LMAN1L: variants seen among roughly 807,000 people sequenced by gnomAD.
LMAN1L encodes the protein protein ERGIC-53-like.
In LMAN1L, 60 loss-of-function variants were observed where a neutral mutation model predicts 58.3. That is an observed-to-expected ratio of 1.03 (90% confidence interval 0.84 to 1.27). LMAN1L has a LOEUF of 1.27. Among genes scored for constraint, LMAN1L ranks in the 50% most tolerant of loss-of-function variants. The pLI, the probability that LMAN1L is intolerant of heterozygous loss-of-function variation, is 0.00. For missense variants in LMAN1L, 629 were observed against 674.0 expected (o/e 0.93, Z 0.74); for synonymous variants, 280 against 271.6 (o/e 1.03, Z -0.31).
In LMAN1L at chr15:74,819,140, C is replaced by T. The variant is rs766025002; in HGVS notation, c.598-12C>T. On this transcript the variant is annotated splice_polypyrimidine_tract_variant and intron_variant, in intron 5 of 13. Transcript: ENST00000309664. ...ACACCCCCCCACTGCTCACTCTCTC[C>T]ATGTCCCTCAGATGTCCTTGAACAG... The T allele has an allele frequency of 6.2e-7, 1 of 1,602,672 alleles. No individual in the cohort carries two copies. Among genetic ancestry groups the T allele is most frequent in the Admixed American group, 1.7e-5 (1 of 58,552 alleles).
chr15:74,825,713 C>A lies in LMAN1L; in HGVS notation c.*108C>A. On this transcript the variant is annotated 3_prime_UTR_variant, in exon 14 of 14. Transcript: ENST00000309664. ...TGCCCAGCTCCCACGCACACCTGAG[C>A]TTTCGGCATGCTCCCACCTCGTTAA... 1.8e-6 allele frequency: 2 copies of A among 1,110,140 alleles called. No homozygotes were observed. Among genetic ancestry groups the A allele is most frequent in the African/African-American group, 1.5e-5 (1 of 65,012 alleles). The allele number at this position is 1,110,140 out of a possible 1,614,324, so 68.8% of individuals were successfully genotyped here. A position where few individuals can be genotyped will look rare whatever the true frequency, so the allele number is the denominator to read the frequency against.
Position 74,824,360 on chromosome 15 carries a change from G to A in LMAN1L, c.1333G>A (p.Ala445Thr). Residue 445 changes from alanine (A) to threonine (T), a missense_variant, in exon 13 of 14, where the codon GCC becomes ACC. By Grantham distance (58) the Ala-to-Thr change is moderately conservative. Coordinates refer to ENST00000309664, the MANE Select transcript of LMAN1L (RefSeq NM_021819.3). Reference protein sequence around the residue: ...EELRGPAKAAAKAPRPPGQPP... With the variant: ...EELRGPAKAATKAPRPPGQPP... ...GACTTTCCCCTTTCAGAAGGCAGCA[G>A]CCAAGGCCCCCCGCCCACCTGGCCA... The A allele has an allele frequency of 6.2e-7, 1 of 1,613,948 alleles. No individual in the cohort carries two copies. Among genetic ancestry groups the A allele is most frequent in the Admixed American group, 1.7e-5 (1 of 60,014 alleles).
At chr15:74,824,520 C>G in intron 13 of LMAN1L, 42 bp downstream of exon 13, 2 of 1,610,940 alleles carry the variant, frequency 1.2e-6, no homozygotes, top group Non-Finnish European at 1.7e-6. Context: ...GCACTGGCAT[C>G]TCTTGGTTCT....
intron 4 of LMAN1L, among the ~76,000 whole-genome samples, chr15:74,817,662 G>A (rs1374820310): frequency 6.6e-6 from 1 of 152,190 alleles, no homozygotes; most frequent in Non-Finnish European, 1.5e-5. Flanking sequence ...CTGAGCCCTG[G>A]CAGCTGGGAG....
chr15:74,814,124 CAAA>C (rs550948566), intron 1 of LMAN1L, among the ~76,000 whole-genome samples: 6 of 64,094 alleles, frequency 9.4e-5, no homozygotes, highest in African/African-American at 1.2e-4. Context: ...GACTCTGGCT[CAAA>C]AAAAAAAAAA....
Position 74,821,915 on chromosome 15 carries a change from A to C in LMAN1L, c.1131+15A>C. 1.3e-6 allele frequency: 2 copies of C among 1,567,680 alleles called. No homozygotes were observed. Among genetic ancestry groups the C allele is most frequent in the Non-Finnish European group, 1.8e-6 (2 of 1,138,464 alleles). ...CACTCAATAAGGTAGGGACCCAAACACTGGGTGTTGACCAGCACTGGCCCC... is the reference window on the plus strand; with the variant it reads ...CACTCAATAAGGTAGGGACCCAAACCCTGGGTGTTGACCAGCACTGGCCCC... On this transcript the variant is annotated intron_variant, in intron 10 of 13. Coordinates refer to ENST00000309664, the MANE Select transcript of LMAN1L (RefSeq NM_021819.3).
chr15:74,819,875 C>T, intron 6 of LMAN1L, 169 bp from the exon 7 acceptor site: 1 of 675,972 alleles, frequency 1.5e-6, no homozygotes, highest in South Asian at 1.7e-5. Context: ...CACCCGTCTA[C>T]CTGTCAACCC....
At chr15:74,813,591 AGT>A (rs2063875620) in intron 1 of LMAN1L, 1 of 397,154 alleles carries the variant, frequency 2.5e-6, no homozygotes, top group Non-Finnish European at 5.1e-6. Context: ...ACCTACAAAG[AGT>A]GTGTCTTCTA....
At chr15:74,814,698 G>C (rs554716189) in intron 1 of LMAN1L, among the ~76,000 whole-genome samples, 1 of 151,406 alleles carries the variant, frequency 6.6e-6, no homozygotes, top group East Asian at 1.9e-4. Flanking sequence ...AAGTAGAGAC[G>C]GGTTGTCACC....
In LMAN1L at chr15:74,816,264, G is replaced by A. The variant is rs770477407; in HGVS notation, c.283G>A (p.Val95Met). The A allele has an allele frequency of 2.5e-6, 4 of 1,610,816 alleles. No individual in the cohort carries two copies. Among genetic ancestry groups the A allele is most frequent in the East Asian group, 4.5e-5 (2 of 44,790 alleles). Residue 95 changes from valine to methionine, a missense_variant, in exon 2 of 14, where the codon GTG (valine) becomes ATG (methionine). By Grantham distance (21) the Val-to-Met change is conservative. Coordinates refer to ENST00000309664, the MANE Select transcript of LMAN1L (RefSeq NM_021819.3). ...SVPFSAWEVEVQMRVTGLGRR... is the reference protein window; with the variant it reads ...SVPFSAWEVEMQMRVTGLGRR... ...CCCCTTCTCTGCCTGGGAAGTAGAG[G>A]TGCAGATGAGGGTGACGGGACTGGG...
intron 1 of LMAN1L, among the ~76,000 whole-genome samples, chr15:74,815,070 G>A (rs779321410): frequency 5.3e-5 from 8 of 152,168 alleles, no homozygotes; most frequent in Admixed American, 3.9e-4. Flanking sequence ...TCATTCATTC[G>A]TTCACCCTGA....
intron 10 of LMAN1L, among the ~76,000 whole-genome samples, chr15:74,822,354 G>A (rs2063920909): frequency 6.6e-6 from 1 of 152,204 alleles, no homozygotes; most frequent in Admixed American, 6.5e-5. Flanking sequence ...CGCAGAGCAA[G>A]ACTCCATCTC....
In LMAN1L at chr15:74,819,270, C is replaced by T; in HGVS notation, c.716C>T (p.Ala239Val). The T allele has an allele frequency of 6.2e-7, 1 of 1,614,026 alleles. No individual in the cohort carries two copies. The highest frequency in any genetic ancestry group is 1.3e-5 in the African/African-American group (1 of 75,064). Residue 239 changes from alanine (A) to valine (V), a missense_variant and splice_region_variant, in exon 6 of 14, where the codon GCA becomes GTA. Ala to Val is a moderately conservative substitution (Grantham distance 64). This residue lies in a region of LMAN1L where 573 missense variants were observed against 597.3 expected (regional missense o/e 0.96). Transcript: ENST00000309664. ...GTCTCAGCAGCCACCGGCACCCTGG[C>T]AGGTGAGGATCCCACTGGACAGGTA... The part of the protein sequence containing the change: ...FGVSAATGTL[A>V]DDHDVLSFLT...
rs757699100 is a variant in LMAN1L at position 74,823,574 on chromosome 15, C to T, written c.1215C>T (p.Arg405=). The change falls in exon 12 of 14, where the codon CGC becomes CGT. Residue 405 remains arginine, a synonymous_variant. Coordinates refer to ENST00000309664, the MANE Select transcript of LMAN1L (RefSeq NM_021819.3). ...ALQEMRDAAV[R]MAAEAQVSYL... is the part of the protein sequence containing the mutation. Reference sequence around the variant, plus strand: ...CCCCGGTTAGGGATGCAGCTGTCCGCATGGCTGCAGAAGCCCAGGTCTCCT... The same window carrying T: ...CCCCGGTTAGGGATGCAGCTGTCCGTATGGCTGCAGAAGCCCAGGTCTCCT... 2.3e-5 allele frequency: 37 copies of T among 1,613,766 alleles called. No homozygotes were observed. The highest frequency in any genetic ancestry group is 3.1e-5 in the Non-Finnish European group (36 of 1,179,888).
At position 74,823,799 on chromosome 15, in the gene LMAN1L, G is replaced by A; in HGVS notation, c.1323+117G>A. On this transcript the variant is annotated intron_variant, in intron 12 of 13. Transcript: ENST00000309664. ...TCCTGCCTTTGCCCTCCCCTCCCAG[G>A]ACTGCTGGCAAGCACATCTGTGCCT... is the stretch of plus-strand genomic sequence containing the variant. 4 of 1,239,824 alleles carry A rather than the reference G, an allele frequency of 3.2e-6. No individual in the cohort carries two copies. The South Asian group carries it at 5.6e-5, about 17-fold the overall frequency. The allele number at this position is 1,239,824 out of a possible 1,614,324, so 76.8% of individuals were successfully genotyped here.
At chr15:74,814,474 T>C (rs1245819265) in intron 1 of LMAN1L, among the ~76,000 whole-genome samples, 4 of 150,206 alleles carry the variant, frequency 2.7e-5, no homozygotes, top group African/African-American at 9.8e-5. Flanking sequence ...CCTGGGTTCA[T>C]GCCATTCTCC....
intron 2 of LMAN1L, 30 bp downstream of exon 2, chr15:74,816,341 C>T (rs376568108): frequency 5.3e-5 from 86 of 1,607,814 alleles, no homozygotes; most frequent in Non-Finnish European, 6.6e-5. Context: ...GCTGACAGAG[C>T]GGGGTGGGTC....
intron 1 of LMAN1L, among the ~76,000 whole-genome samples, chr15:74,813,766 A>G (rs531196726): frequency 1.3e-5 from 2 of 152,322 alleles, no homozygotes; most frequent in East Asian, 3.9e-4. Flanking sequence ...CATGGATTTA[A>G]TTCTGAGCCT....
At chr15:74,822,584 G>A (rs1466875451) in intron 10 of LMAN1L, 58 bp from the exon 11 acceptor site, 9 of 1,411,456 alleles carry the variant, frequency 6.4e-6, no homozygotes, top group Admixed American at 1.7e-5. Context: ...GGGAAGGTGG[G>A]CTCTGAGAAG....
Sources: allele counts gnomAD v4.1 joint callset (sites outside exome capture counted in the v4.1 genomes callset), GRCh38; gene constraint gnomAD v4.1.1; regional missense constraint gnomAD v4.1.1; transcripts MANE v1.5; gene names NCBI Gene and HGNC (gene_info 2026-07-23, HGNC 2026-07-21).